RIT2: variants seen among roughly 807,000 people sequenced by gnomAD.
RIT2 encodes the protein Ras like without CAAX 2, also known as GTP-binding protein Rit2.
In RIT2, 24 loss-of-function variants were observed where a neutral mutation model predicts 23.7. The observed-to-expected ratio is 1.01, with a 90% confidence interval of 0.73 to 1.43. The LOEUF is 1.43. RIT2 is among the 40% of genes most tolerant of loss of function. The probability of loss-of-function intolerance (pLI) is 0.00; values close to 1 mark genes in which losing one functional copy is unlikely to be tolerated. For missense variants in RIT2, 236 were observed against 266.9 expected, an observed-to-expected ratio of 0.88 and a Z score of 0.81; for synonymous variants, 107 against 91.1, an observed-to-expected ratio of 1.17 and a Z score of -0.99.
chr18:42,852,795 CTCTTCCTCCCTCCCTCCCTT>C (rs1190293659), intron 4 of RIT2, among the ~76,000 whole-genome samples: 6 of 114,804 alleles, frequency 5.2e-5, no homozygotes, highest in African/African-American at 2.1e-4. Flanking sequence ...CTCCCTCCCT[CTCTTCCTCCCTCCCTCCCTT>C]CCTTCCTTCC....
chr18:43,071,388 C>A (rs770769510), intron 1 of RIT2, among the ~76,000 whole-genome samples: 2 of 151,996 alleles, frequency 1.3e-5, no homozygotes, highest in Non-Finnish European at 2.9e-5. Flanking sequence ...TGGCGGGGGG[C>A]GAGGATGTGA....
intron 4 of RIT2, among the ~76,000 whole-genome samples, chr18:42,802,238 G>A (rs1159096007): frequency 1.3e-5 from 2 of 152,088 alleles, no homozygotes; most frequent in Non-Finnish European, 2.9e-5. Flanking sequence ...AAAATGCCAA[G>A]ATGCTTGAGA....
chr18:43,028,395 T>A (rs1598753329), intron 2 of RIT2, among the ~76,000 whole-genome samples: 1 of 152,120 alleles, frequency 6.6e-6, no homozygotes, highest in East Asian at 1.9e-4. Flanking sequence ...TTGGCATATT[T>A]AAAGAACTAA....
chr18:42,915,145 T>G (rs2144123315), intron 4 of RIT2, among the ~76,000 whole-genome samples: 1 of 111,078 alleles, frequency 9.0e-6, no homozygotes, highest in Non-Finnish European at 1.9e-5. Flanking sequence ...TCTATACATA[T>G]AATTATACAC....
intron 1 of RIT2, among the ~76,000 whole-genome samples, chr18:43,081,584 C>T (rs1913159084): frequency 6.6e-6 from 1 of 152,098 alleles, no homozygotes; most frequent in Non-Finnish European, 1.5e-5. Flanking sequence ...ATGCATGCCT[C>T]ATCCTTCCTG....
intron 1 of RIT2, among the ~76,000 whole-genome samples, chr18:43,034,857 A>G (rs1055081607): frequency 1.1e-4 from 17 of 152,064 alleles, no homozygotes; most frequent in African/African-American, 4.1e-4. Flanking sequence ...CCTCCCCTTG[A>G]TGTCTCCTCT....
Position 42,923,707 on chromosome 18 carries a change from G to T in RIT2, c.291C>A (p.Ile97=). 1 of 1,612,604 alleles carries T rather than the reference G, an allele frequency of 6.2e-7. No individual in the cohort carries two copies. Among genetic ancestry groups the T allele is most frequent in the Non-Finnish European group, 8.5e-7 (1 of 1,179,604 alleles). ...ATTGACGGTCAGTGACGGAGTAGCAGATGATGAAGCCTTCCCCACCTCGCA... is the reference window on the plus strand; with the variant it reads ...ATTGACGGTCAGTGACGGAGTAGCATATGATGAAGCCTTCCCCACCTCGCA... The part of the protein sequence containing the change: ...QYMRGGEGFI[I]CYSVTDRQSF... Residue 97 remains isoleucine (I), a synonymous_variant, in exon 4 of 5, where the codon ATC becomes ATA. Coordinates refer to ENST00000326695, the MANE Select transcript of RIT2 (RefSeq NM_002930.4).
intron 4 of RIT2, among the ~76,000 whole-genome samples, chr18:42,779,207 A>G (rs1201973101): frequency 1.3e-5 from 2 of 152,288 alleles, no homozygotes; most frequent in Middle Eastern, 3.4e-3. Flanking sequence ...TTTATTTTAT[A>G]AAACTTGCCC....
chr18:42,912,753 T>C (rs541479265), intron 4 of RIT2, among the ~76,000 whole-genome samples: 2 of 152,050 alleles, frequency 1.3e-5, no homozygotes, highest in African/African-American at 4.8e-5. Context: ...AATTATAAAA[T>C]GTTGATGAAG....
chr18:42,923,649 T>C lies in RIT2; in HGVS notation c.349A>G (p.Ile117Val). 2 of 1,613,190 alleles carry C rather than the reference T, an allele frequency of 1.2e-6. No homozygotes were observed. Among genetic ancestry groups the C allele is most frequent in the Non-Finnish European group, 1.7e-6 (2 of 1,179,564 alleles). Reference sequence around the variant, plus strand: ...TCATAGGTGTGGCGGACCTGAAAAATGAGCTCTTTAAACTTGGCAGCCTCC... The same window carrying C: ...TCATAGGTGTGGCGGACCTGAAAAACGAGCTCTTTAAACTTGGCAGCCTCC... ...FQEAAKFKEL[I>V]FQVRHTYEIP... The change falls in exon 4 of 5, where the codon ATT (isoleucine) becomes GTT (valine). Residue 117 changes from isoleucine to valine, a missense_variant. Ile to Val is a conservative substitution (Grantham distance 29). Coordinates refer to ENST00000326695, the MANE Select transcript of RIT2 (RefSeq NM_002930.4).
chr18:42,976,576 G>T (rs1910482781), intron 2 of RIT2, among the ~76,000 whole-genome samples: 1 of 151,954 alleles, frequency 6.6e-6, no homozygotes, highest in Non-Finnish European at 1.5e-5. Context: ...ATTTGTGTTT[G>T]GGTCATGTAG....
At chr18:42,927,492 T>C (rs1361911474) in intron 3 of RIT2, among the ~76,000 whole-genome samples, 9 of 151,808 alleles carry the variant, frequency 5.9e-5, no homozygotes, top group Admixed American at 4.6e-4. Context: ...TAATAATATA[T>C]GATAAAGAAA....
At chr18:42,999,077 C>T (rs1202599047) in intron 2 of RIT2, among the ~76,000 whole-genome samples, 2 of 151,930 alleles carry the variant, frequency 1.3e-5, no homozygotes, top group Non-Finnish European at 2.9e-5. Context: ...AGTGTTTCTC[C>T]CTACCCCTTT....
At chr18:42,978,875 C>A (rs78942543) in intron 2 of RIT2, among the ~76,000 whole-genome samples, 4,896 of 151,936 alleles carry the variant, frequency 0.032, 259 homozygotes, top group African/African-American at 0.11. Context: ...TGTAAGATGG[C>A]GATAATAGTA....
At chr18:42,745,788 G>T (rs1325932951) in intron 4 of RIT2, among the ~76,000 whole-genome samples, 1 of 151,908 alleles carries the variant, frequency 6.6e-6, no homozygotes. Context: ...GTATAACGTG[G>T]GTTACCATTT....
intron 4 of RIT2, among the ~76,000 whole-genome samples, chr18:42,842,919 T>C (rs936206761): frequency 6.6e-6 from 1 of 152,302 alleles, no homozygotes; most frequent in African/African-American, 2.4e-5. Flanking sequence ...TTCTACAGAA[T>C]AGAGAGCTGA....
chr18:42,846,849 A>G (rs1906923039), intron 4 of RIT2, among the ~76,000 whole-genome samples: 1 of 152,092 alleles, frequency 6.6e-6, no homozygotes, highest in African/African-American at 2.4e-5. Flanking sequence ...TTAAAACTTT[A>G]TTTTTGAGGT....
At chr18:42,861,902 G>A (rs1410510974) in intron 4 of RIT2, among the ~76,000 whole-genome samples, 2 of 151,984 alleles carry the variant, frequency 1.3e-5, no homozygotes, top group Non-Finnish European at 2.9e-5. Context: ...TTATTTCCAA[G>A]CATACTATTT....
intron 4 of RIT2, among the ~76,000 whole-genome samples, chr18:42,839,711 A>G (rs1906712110): frequency 6.6e-6 from 1 of 152,316 alleles, no homozygotes; most frequent in South Asian, 2.1e-4. Flanking sequence ...GTGGCCAGAT[A>G]AAATTCAGAA....
Sources: allele counts gnomAD v4.1 joint callset (sites outside exome capture counted in the v4.1 genomes callset), GRCh38; gene constraint gnomAD v4.1.1; transcripts MANE v1.5; gene names NCBI Gene and HGNC (gene_info 2026-07-23, HGNC 2026-07-21).